Variants in GARS1 observed in about 807,000 individuals in gnomAD.
GARS1 encodes the protein glycine--tRNA ligase.
In GARS1, 46 loss-of-function variants were observed where a neutral mutation model predicts 86.4. The ratio of observed to expected loss-of-function variants is 0.53; its 90% confidence interval spans 0.42 to 0.68. GARS1 has a LOEUF of 0.68. GARS1 is among the 30% of genes least tolerant of loss of function. The probability of loss-of-function intolerance (pLI) is 0.00; values close to 1 mark genes in which losing one functional copy is unlikely to be tolerated. For synonymous variants in GARS1, 342 were observed against 329.8 expected (o/e 1.04, Z -0.40); for missense variants, 797 against 915.6 (o/e 0.87, Z 1.67).
At chr7:30,631,635 T>A in intron 15 of GARS1, 94 bp downstream of exon 15, 9 of 827,028 alleles carry the variant, frequency 1.1e-5, no homozygotes, top group Admixed American at 1.8e-5. Context: ...AAATATAGAC[T>A]GAATAAAGAA....
At chr7:30,613,914 A>G (rs1328540317) in intron 8 of GARS1, among the ~76,000 whole-genome samples, 1 of 152,004 alleles carries the variant, frequency 6.6e-6, no homozygotes, top group East Asian at 1.9e-4. Flanking sequence ...TCCTTTTGTT[A>G]GTTTAGAGGT....
chr7:30,629,694 A>G (rs1783199045), intron 14 of GARS1, among the ~76,000 whole-genome samples: 3 of 152,202 alleles, frequency 2.0e-5, no homozygotes, highest in South Asian at 4.1e-4. Context: ...TAAAGTTAGT[A>G]TGGTACTCTC....
chr7:30,615,767 A>T, intron 8 of GARS1, 129 bp from the exon 9 acceptor site: 2 of 995,074 alleles, frequency 2.0e-6, no homozygotes, highest in Non-Finnish European at 2.9e-6. Context: ...CTTTCTGTTT[A>T]GTGAAAAAGA....
chr7:30,594,988 C>G lies in GARS1; in HGVS notation c.67C>G (p.Arg23Gly). The change falls in exon 1 of 17, where the codon CGG (arginine) becomes GGG (glycine). Residue 23 changes from arginine to glycine, a missense_variant. Transcript: ENST00000389266. ...RAALLLLLPP[R>G]LLARPSLLLR... The stretch of plus-strand genomic sequence containing the variant: ...CGCTCTGCTGCTGCTGCTGCCGCCC[C>G]GGCTCTTAGCCCGACCCTCGCTCCT... The G allele has an allele frequency of 6.3e-7, 1 of 1,593,534 alleles. No individual in the cohort carries two copies. The highest frequency in any genetic ancestry group is 1.1e-5 in the South Asian group (1 of 89,858).
intron 7 of GARS1, among the ~76,000 whole-genome samples, chr7:30,610,467 TC>T (rs1339964646): frequency 6.6e-6 from 1 of 152,230 alleles, no homozygotes; most frequent in African/African-American, 2.4e-5. Context: ...AGTAAGTTTT[TC>T]CTACATGAGC....
chr7:30,624,614 A>G (rs1322760694), intron 12 of GARS1, among the ~76,000 whole-genome samples: 6 of 151,972 alleles, frequency 3.9e-5, no homozygotes, highest in Non-Finnish European at 5.9e-5. Context: ...AATCACCTGG[A>G]AAAAAAACAC....
chr7:30,630,566 A>T (rs945827078), intron 14 of GARS1, among the ~76,000 whole-genome samples: 5 of 139,846 alleles, frequency 3.6e-5, no homozygotes, highest in African/African-American at 1.4e-4. Flanking sequence ...GCTGGAGTGC[A>T]GTGGCACAAT....
intron 3 of GARS1, among the ~76,000 whole-genome samples, chr7:30,600,628 G>GA (rs1460956245): frequency 6.6e-6 from 1 of 152,200 alleles, no homozygotes; most frequent in Non-Finnish European, 1.5e-5. Flanking sequence ...CTTGAGTTTG[G>GA]CTAAGTGGAT....
At chr7:30,612,039 A>G (rs1225820728) in intron 7 of GARS1, 57 bp from the exon 8 acceptor site, 1 of 1,484,272 alleles carries the variant, frequency 6.7e-7, no homozygotes, top group East Asian at 2.3e-5. Context: ...GAATTTCAGG[A>G]TTGTTGGAAA....
intron 7 of GARS1, among the ~76,000 whole-genome samples, chr7:30,611,012 A>G (rs1432319257): frequency 6.6e-6 from 1 of 152,226 alleles, no homozygotes; most frequent in East Asian, 1.9e-4. Context: ...AAGAGGGTAC[A>G]ATTTTAGGGT....
At position 30,627,022 on chromosome 7, in the gene GARS1, G is replaced by A. The variant is rs191421785; in HGVS notation, c.1699+703G>A. On this transcript the variant is annotated intron_variant, in intron 13 of 16. Coordinates refer to ENST00000389266, the MANE Select transcript of GARS1 (RefSeq NM_002047.4). Reference sequence around the variant, plus strand: ...GTAATTTAGACCAGTGATGTTGCATGCTTTTTTAAAAGTTAAGAAGATGTT... The same window carrying A: ...GTAATTTAGACCAGTGATGTTGCATACTTTTTTAAAAGTTAAGAAGATGTT... 1.7e-3 allele frequency: 756 copies of A among 452,636 alleles called. 6 individuals are homozygous for A. The highest frequency in any genetic ancestry group is 0.014 in the African/African-American group (687 of 48,584). The allele number at this position is 452,636 out of a possible 1,614,324, so 28.0% of individuals were successfully genotyped here.
At chr7:30,631,584 A>T (rs758409536) in intron 15 of GARS1, 43 bp downstream of exon 15, 1 of 1,222,520 alleles carries the variant, frequency 8.2e-7, no homozygotes, top group African/African-American at 1.5e-5. Flanking sequence ...AACACCATCA[A>T]GGAGACTGAA....
rs778246665 is a variant in GARS1 at position 30,628,670 on chromosome 7, G to GT, written c.1809+2dup. ...ACGAGAAGGAGATGAACAGAGAACA[G>GT]TAAGTTGTTGTGTACAGTGTGCTGT... On this transcript the variant is annotated splice_donor_variant, in intron 14 of 16. Transcript: ENST00000389266. LOFTEE classifies it high-confidence loss of function. 4 of 1,587,344 alleles carry GT rather than the reference G, an allele frequency of 2.5e-6. No individual in the cohort carries two copies. In the East Asian group the frequency reaches 8.9e-5, roughly 36 times the overall value.
chr7:30,622,344 C>T lies in GARS1; in HGVS notation c.1495C>T (p.Pro499Ser), dbSNP rs1428449193. The change falls in exon 12 of 17, where the codon CCC becomes TCC. Residue 499 changes from proline (P) to serine (S), a missense_variant. Physicochemically the swap from Pro to Ser is moderately conservative, Grantham distance 74 (BLOSUM62 -1). Coordinates refer to ENST00000389266, the MANE Select transcript of GARS1 (RefSeq NM_002047.4). Reference sequence around the variant, plus strand: ...AACAGTCAATGTTGTTCAGTTTGAACCCAGTAAGGGAGCAATTGGTAAGGC... The same window carrying T: ...AACAGTCAATGTTGTTCAGTTTGAATCCAGTAAGGGAGCAATTGGTAAGGC... ...PKTVNVVQFE[P>S]SKGAIGKAYK... is the part of the protein sequence containing the mutation. 1.2e-6 allele frequency: 2 copies of T among 1,614,086 alleles called. No homozygotes were observed. The highest frequency in any genetic ancestry group is 1.1e-5 in the South Asian group (1 of 91,082).
chr7:30,624,930 T>C (rs1584047298), intron 12 of GARS1, among the ~76,000 whole-genome samples: 1 of 152,258 alleles, frequency 6.6e-6, no homozygotes, highest in African/African-American at 2.4e-5. Flanking sequence ...ATAATGGCTG[T>C]CTCCTTGTCA....
chr7:30,607,692 A>G (rs897718762), intron 6 of GARS1, among the ~76,000 whole-genome samples: 11 of 152,248 alleles, frequency 7.2e-5, no homozygotes, highest in Non-Finnish European at 1.6e-4. Context: ...AACTTAAAGT[A>G]TAATAAAAAA....
rs545198763 is a variant in GARS1, at chr7:30,606,894, A to T, written c.736-2691A>T. The stretch of plus-strand genomic sequence containing the variant: ...TAATAGTTAACTTAAAGTTAGGTTT[A>T]TAGGGTTTTTACTATATTAATCTTA... On this transcript the variant is annotated intron_variant, in intron 6 of 16. Transcript: ENST00000389266. Among the ~76,000 whole-genome samples the T allele has an allele frequency of 1.4e-4, 22 of 152,310 alleles. 1 individual carries two copies. In the East Asian group the frequency reaches 3.7e-3, roughly 25 times the overall value.
intron 6 of GARS1, among the ~76,000 whole-genome samples, chr7:30,607,332 T>C (rs1791504875): frequency 6.6e-6 from 1 of 152,172 alleles, no homozygotes; most frequent in African/African-American, 2.4e-5. Context: ...ATTAAGAAAA[T>C]GTGGCACATA....
chr7:30,609,048 A>C (rs1413228113), intron 6 of GARS1, among the ~76,000 whole-genome samples: 1 of 152,220 alleles, frequency 6.6e-6, no homozygotes, highest in Non-Finnish European at 1.5e-5. Flanking sequence ...TAGAATGTGC[A>C]ATACACTGGA....
Sources: allele counts gnomAD v4.1 joint callset (sites outside exome capture counted in the v4.1 genomes callset), GRCh38; gene constraint gnomAD v4.1.1; transcripts MANE v1.5; gene names NCBI Gene and HGNC (gene_info 2026-07-23, HGNC 2026-07-21).